The following LAPTM4B variants were observed in gnomAD, a reference collection of about 807,000 sequenced individuals.
LAPTM4B encodes the protein lysosomal protein transmembrane 4 beta, also known as lysosomal-associated transmembrane protein 4B.
A neutral mutation model predicts 28.5 loss-of-function variants in LAPTM4B; 26 were observed. The ratio of observed to expected loss-of-function variants is 0.91; its 90% confidence interval spans 0.67 to 1.27. The LOEUF is 1.27. Among genes scored for constraint, LAPTM4B ranks in the 50% most tolerant of loss-of-function variants. LAPTM4B has a pLI of 0.00. For synonymous variants in LAPTM4B, 109 were observed against 106.4 expected (o/e 1.02, Z -0.15); for missense variants, 288 against 285.8 (o/e 1.01, Z -0.06).
At chr8:97,806,567 T>A (rs1364432400) in intron 2 of LAPTM4B, among the ~76,000 whole-genome samples, 1 of 152,176 alleles carries the variant, frequency 6.6e-6, no homozygotes, top group Non-Finnish European at 1.5e-5. Flanking sequence ...TTGGAATTGA[T>A]ATGGTTTGGC....
chr8:97,824,304 CA>C (rs771786501), intron 5 of LAPTM4B, among the ~76,000 whole-genome samples: 2 of 152,100 alleles, frequency 1.3e-5, no homozygotes, highest in Non-Finnish European at 2.9e-5. Context: ...TTCTCATAAG[CA>C]ACGTATTTCC....
In LAPTM4B at chr8:97,815,324, G is replaced by T; in HGVS notation, c.212-4G>T. 1.2e-6 allele frequency: 2 copies of T among 1,612,548 alleles called. No homozygotes were observed. The highest frequency in any genetic ancestry group is 8.5e-7 in the Non-Finnish European group (1 of 1,178,758). ...TAAAGAAATTCTTTTTAATCTTTCG[G>T]CAGACATGTGCATTGCCATTGCGAT... On this transcript the variant is annotated splice_region_variant and splice_polypyrimidine_tract_variant and intron_variant, in intron 2 of 6. Coordinates refer to ENST00000521545, the MANE Select transcript of LAPTM4B (RefSeq NM_018407.6).
intron 1 of LAPTM4B, among the ~76,000 whole-genome samples, chr8:97,797,691 AT>A (rs11382484): frequency 6.6e-6 from 1 of 151,652 alleles, no homozygotes; most frequent in Non-Finnish European, 1.5e-5. Context: ...GTTCATAAGG[AT>A]TTTTTTTATT....
chr8:97,806,984 T>A (rs1436214571), intron 2 of LAPTM4B, among the ~76,000 whole-genome samples: 1 of 152,152 alleles, frequency 6.6e-6, no homozygotes, highest in African/African-American at 2.4e-5. Context: ...CACCGCCATG[T>A]AAGAAGTCCC....
At chr8:97,803,859 T>A (rs1816724125) in intron 1 of LAPTM4B, among the ~76,000 whole-genome samples, 1 of 152,044 alleles carries the variant, frequency 6.6e-6, no homozygotes, top group Non-Finnish European at 1.5e-5. Flanking sequence ...CCCAGGCTTG[T>A]CTTGAACTCC....
chr8:97,806,420 A>C (rs556062950), intron 2 of LAPTM4B, among the ~76,000 whole-genome samples: 4 of 152,210 alleles, frequency 2.6e-5, no homozygotes, highest in Non-Finnish European at 5.9e-5. Context: ...GGAGGAATCA[A>C]AGATGACTTC....
At chr8:97,840,553 T>A (rs571271831) in intron 6 of LAPTM4B, among the ~76,000 whole-genome samples, 2 of 152,328 alleles carry the variant, frequency 1.3e-5, no homozygotes, top group East Asian at 1.9e-4. Flanking sequence ...TGTCTTAGGT[T>A]CACTGAAGAC....
In LAPTM4B at chr8:97,816,157, A is replaced by G. The variant is rs1816910029; in HGVS notation, c.385A>G (p.Ile129Val). 6.2e-7 allele frequency: 1 copy of G among 1,613,248 alleles called. No homozygotes were observed. The highest frequency in any genetic ancestry group is 8.5e-7 in the Non-Finnish European group (1 of 1,179,768). Residue 129 changes from isoleucine (I) to valine (V), a missense_variant, in exon 4 of 7, where the codon ATT becomes GTT. Ile to Val is a conservative substitution (Grantham distance 29, BLOSUM62 3). Transcript: ENST00000521545. ...AITVLIYPNS[I>V]QEYIRQLPPN... Reference sequence around the variant, plus strand: ...CACTGTGCTTATTTATCCAAACTCCATTCAGGAATACATACGGCAACTGGT... The same window carrying G: ...CACTGTGCTTATTTATCCAAACTCCGTTCAGGAATACATACGGCAACTGGT...
chr8:97,787,008 G>A (rs1219158788), intron 1 of LAPTM4B, among the ~76,000 whole-genome samples: 1 of 152,026 alleles, frequency 6.6e-6, no homozygotes, highest in Admixed American at 6.6e-5. Flanking sequence ...GCTGGGGGGT[G>A]GGGGTGTAGC....
chr8:97,800,254 C>CG (rs569864558), intron 1 of LAPTM4B, among the ~76,000 whole-genome samples: 207 of 152,162 alleles, frequency 1.4e-3, no homozygotes, highest in Non-Finnish European at 2.2e-3. Flanking sequence ...ACTGAGAGTG[C>CG]GGGGAAAGCA....
rs115975564 is a variant in LAPTM4B, at chr8:97,792,165, G to A, written c.100-13188G>A. On this transcript the variant is annotated intron_variant, in intron 1 of 6. Transcript: ENST00000521545. Reference sequence around the variant, plus strand: ...TTAGAAGTTCAGCAACTTACAACATGGCCGCCATTATAGTCCAACTCCAAG... The same window carrying A: ...TTAGAAGTTCAGCAACTTACAACATAGCCGCCATTATAGTCCAACTCCAAG... Among the ~76,000 whole-genome samples the A allele has an allele frequency of 9.8e-3, 1,492 of 152,270 alleles. 19 individuals are homozygous for A. Among genetic ancestry groups the A allele is most frequent in the African/African-American group, 0.034 (1,402 of 41,542 alleles).
At chr8:97,811,686 T>C (rs1335721273) in intron 2 of LAPTM4B, among the ~76,000 whole-genome samples, 1 of 152,164 alleles carries the variant, frequency 6.6e-6, no homozygotes, top group Non-Finnish European at 1.5e-5. Context: ...CAGACTAACT[T>C]GGCAGTCTGC....
intron 6 of LAPTM4B, among the ~76,000 whole-genome samples, chr8:97,840,739 A>C (rs1042769114): frequency 1.3e-5 from 2 of 152,244 alleles, no homozygotes; most frequent in African/African-American, 2.4e-5. Flanking sequence ...GTCACTTCAC[A>C]CTTAGAAGGT....
chr8:97,792,758 A>G (rs1378825143), intron 1 of LAPTM4B, among the ~76,000 whole-genome samples: 3 of 151,264 alleles, frequency 2.0e-5, no homozygotes, highest in African/African-American at 7.3e-5. Context: ...TTGTATTTTT[A>G]GTAGAGAGAG....
At chr8:97,812,991 T>C (rs1816852508) in intron 2 of LAPTM4B, among the ~76,000 whole-genome samples, 1 of 152,196 alleles carries the variant, frequency 6.6e-6, no homozygotes, top group African/African-American at 2.4e-5. Context: ...AAGAATACTA[T>C]AAAAAGCTCT....
chr8:97,841,329 T>G (rs1265885118), intron 6 of LAPTM4B, among the ~76,000 whole-genome samples: 3 of 152,244 alleles, frequency 2.0e-5, no homozygotes, highest in Admixed American at 2.0e-4. Flanking sequence ...ATTCTAGATA[T>G]CTTTCTCTTT....
chr8:97,797,984 A>G (rs1037063392), intron 1 of LAPTM4B, among the ~76,000 whole-genome samples: 2 of 151,968 alleles, frequency 1.3e-5, no homozygotes, highest in Admixed American at 6.6e-5. Flanking sequence ...AAAACAGACA[A>G]TGAAAACCCA....
At chr8:97,798,697 T>C (rs1223616254) in intron 1 of LAPTM4B, among the ~76,000 whole-genome samples, 1 of 152,076 alleles carries the variant, frequency 6.6e-6, no homozygotes, top group Non-Finnish European at 1.5e-5. Context: ...CAGGACTCTG[T>C]TGTCAGATAC....
At chr8:97,805,109 A>G (rs1816739418) in intron 1 of LAPTM4B, among the ~76,000 whole-genome samples, 1 of 152,066 alleles carries the variant, frequency 6.6e-6, no homozygotes, top group Non-Finnish European at 1.5e-5. Context: ...ATGAGGTAAA[A>G]TCCTGCTGTT....
Sources: allele counts gnomAD v4.1 joint callset (sites outside exome capture counted in the v4.1 genomes callset), GRCh38; gene constraint gnomAD v4.1.1; transcripts MANE v1.5; gene names NCBI Gene and HGNC (gene_info 2026-07-23, HGNC 2026-07-21).